Variants in GRIA3 observed in about 807,000 individuals in gnomAD.
The protein encoded by GRIA3 is glutamate receptor 3.
In GRIA3, 3 loss-of-function variants were observed where a neutral mutation model predicts 63.0. The observed-to-expected ratio is 0.05, with a 90% CI of 0.02 to 0.12. The LOEUF is 0.12. Among genes scored for constraint, GRIA3 ranks in the 10% least tolerant of loss-of-function variants. The pLI is 1.00. For synonymous variants in GRIA3, 274 were observed against 257.9 expected (o/e 1.06, Z -0.60); for missense variants, 347 against 700.9 (o/e 0.50, Z 5.70).
chrX:123,293,698 G>A lies in GRIA3; in HGVS notation c.509-32328G>A, dbSNP rs984566260. On this transcript the variant is annotated intron_variant, in intron 3 of 15. Coordinates refer to ENST00000620443, the MANE Select transcript of GRIA3 (RefSeq NM_007325.5). Reference sequence around the variant, plus strand: ...GAGAATGGCTGTGAAAGTGCAAAGCGAAAATACAGGAAGAAGACACTGGAT... The same window carrying A: ...GAGAATGGCTGTGAAAGTGCAAAGCAAAAATACAGGAAGAAGACACTGGAT... 3.6e-5 allele frequency among the ~76,000 whole-genome samples: 4 copies of A among 110,018 alleles called. No individual in the cohort carries two copies. In the East Asian group the frequency reaches 8.6e-4, roughly 24 times the overall value.
At chrX:123,484,775 G>A (rs1164600796) in intron 15 of GRIA3, among the ~76,000 whole-genome samples, 1 of 112,810 alleles carries the variant, frequency 8.9e-6, no homozygotes, top group Non-Finnish European at 1.9e-5. Flanking sequence ...GAGCCACCAT[G>A]CCCGGCTGCA....
At chrX:123,487,672 AG>A (rs1349344951) in intron 15 of GRIA3, among the ~76,000 whole-genome samples, 1 of 112,135 alleles carries the variant, frequency 8.9e-6, no homozygotes, top group East Asian at 2.8e-4. Context: ...GCCACTAGTT[AG>A]TGATGTCCCA....
chrX:123,435,657 T>C (rs1350505671), intron 12 of GRIA3, among the ~76,000 whole-genome samples: 15 of 112,041 alleles, frequency 1.3e-4, no homozygotes, highest in African/African-American at 4.2e-4. Flanking sequence ...GGTTCCAAGA[T>C]AAGAAGGCAA....
intron 13 of GRIA3, among the ~76,000 whole-genome samples, chrX:123,477,339 T>C (rs1473013975): frequency 8.9e-6 from 1 of 112,564 alleles, no homozygotes; most frequent in East Asian, 2.7e-4. Context: ...AAACCCAATA[T>C]ATGCTAACAT....
chrX:123,476,032 A>G (rs941590809), intron 13 of GRIA3, among the ~76,000 whole-genome samples: 63 of 111,704 alleles, frequency 5.6e-4, no homozygotes, highest in African/African-American at 1.6e-3. Flanking sequence ...GTGATCATTA[A>G]ACCTGAACAA....
chrX:123,363,647 C>T (rs1464189214), intron 5 of GRIA3, among the ~76,000 whole-genome samples: 2 of 112,292 alleles, frequency 1.8e-5, no homozygotes, highest in African/African-American at 6.5e-5. Flanking sequence ...GCATGAACTG[C>T]TTAGGCATAA....
chrX:123,460,516 C>T (rs2045786473), intron 12 of GRIA3, among the ~76,000 whole-genome samples: 1 of 111,784 alleles, frequency 8.9e-6, no homozygotes, highest in Non-Finnish European at 1.9e-5. Context: ...GATTGAAGAG[C>T]TATGCAGCCA....
intron 3 of GRIA3, among the ~76,000 whole-genome samples, chrX:123,306,612 G>A (rs1328280106): frequency 8.9e-6 from 1 of 111,979 alleles, no homozygotes; most frequent in Non-Finnish European, 1.9e-5. Context: ...CTTCCAAAAA[G>A]ATATAATCAC....
chrX:123,281,807 A>T lies in GRIA3; in HGVS notation c.508+28265A>T, dbSNP rs192993956. Among the ~76,000 whole-genome samples, 3 of 112,080 alleles carry T rather than the reference A, an allele frequency of 2.7e-5. No homozygotes were observed. In the Admixed American group the frequency reaches 2.8e-4, roughly 11 times the overall value. ...TTACTGAAAATGAAGGAATTAAGAC[A>T]CTAAAGAATGGCAGCTGCTTAGAGC... On this transcript the variant is annotated intron_variant, in intron 3 of 15. Coordinates refer to ENST00000620443, the MANE Select transcript of GRIA3 (RefSeq NM_007325.5).
At chrX:123,452,920 G>A (rs2045740940) in intron 12 of GRIA3, among the ~76,000 whole-genome samples, 1 of 111,638 alleles carries the variant, frequency 9.0e-6, no homozygotes, top group African/African-American at 3.3e-5. Flanking sequence ...AATAGGTTCT[G>A]CAACTTTTAC....
intron 5 of GRIA3, among the ~76,000 whole-genome samples, chrX:123,389,275 A>G (rs1049159157): frequency 1.8e-5 from 2 of 111,623 alleles, no homozygotes. Context: ...TTCTTTGTTA[A>G]TCTTCCCTCT....
intron 4 of GRIA3, among the ~76,000 whole-genome samples, chrX:123,331,867 C>T (rs151163057): frequency 0.028 from 3,139 of 111,341 alleles, 49 homozygotes; most frequent in Non-Finnish European, 0.046. Flanking sequence ...AAGACTGTTC[C>T]ACTACCTTCC....
At chrX:123,403,870 T>C (rs2045456797) in intron 9 of GRIA3, among the ~76,000 whole-genome samples, 1 of 111,251 alleles carries the variant, frequency 9.0e-6, no homozygotes, top group East Asian at 2.8e-4. Flanking sequence ...ATTAGGATTC[T>C]AAAATTAGGT....
chrX:123,265,434 T>G (rs2044482364), intron 3 of GRIA3, among the ~76,000 whole-genome samples: 1 of 112,126 alleles, frequency 8.9e-6, no homozygotes, highest in African/African-American at 3.2e-5. Context: ...TAAAGTGAGC[T>G]AGAGAAAAGA....
chrX:123,453,063 A>G (rs1333868744), intron 12 of GRIA3, among the ~76,000 whole-genome samples: 3 of 112,184 alleles, frequency 2.7e-5, no homozygotes, highest in Non-Finnish European at 3.8e-5. Flanking sequence ...AGGATTATAA[A>G]TCATGCTGCT....
chrX:123,201,969 T>C (rs770823566), intron 2 of GRIA3, among the ~76,000 whole-genome samples: 14 of 112,219 alleles, frequency 1.2e-4, no homozygotes, highest in Non-Finnish European at 2.1e-4. Flanking sequence ...ACATGGTCTT[T>C]CTTTGATTGT....
At chrX:123,213,525 C>T (rs184485185) in intron 2 of GRIA3, among the ~76,000 whole-genome samples, 1 of 112,381 alleles carries the variant, frequency 8.9e-6, no homozygotes, top group African/African-American at 3.2e-5. Context: ...AGGTTTGATT[C>T]TACAGTTCAC....
intron 3 of GRIA3, among the ~76,000 whole-genome samples, chrX:123,319,286 G>A (rs374770016): frequency 1.8e-5 from 2 of 111,947 alleles, no homozygotes; most frequent in African/African-American, 6.5e-5. Flanking sequence ...TGTGTAGGAG[G>A]CTATTCCATG....
chrX:123,486,123 AGAGGGAAGGAAG>A (rs1401605088), intron 15 of GRIA3, among the ~76,000 whole-genome samples: 66 of 90,401 alleles, frequency 7.3e-4, no homozygotes, highest in African/African-American at 2.1e-3. Flanking sequence ...AAAGAAAGAA[AGAGGGAAGGAAG>A]GAGGGAAGGA....
Sources: allele counts gnomAD v4.1 joint callset (sites outside exome capture counted in the v4.1 genomes callset), GRCh38; gene constraint gnomAD v4.1.1; transcripts MANE v1.5; gene names NCBI Gene and HGNC (gene_info 2026-07-23, HGNC 2026-07-21).